ADAMTS2: variants seen among roughly 807,000 people sequenced by gnomAD.
ADAMTS2 encodes ADAM metallopeptidase with thrombospondin type 1 motif 2.
ADAMTS2 carries 50 observed loss-of-function variants against 123.0 expected under a neutral mutation model. The ratio of observed to expected loss-of-function variants is 0.41; its 90% CI spans 0.32 to 0.51. The LOEUF is 0.51. Among genes scored for constraint, ADAMTS2 ranks in the 20% least tolerant of loss-of-function variants. The pLI, the probability that ADAMTS2 is intolerant of heterozygous loss-of-function variation, is 0.35. For synonymous variants in ADAMTS2, 678 were observed against 695.4 expected (o/e 0.98, Z 0.39); for missense variants, 1,494 against 1,705.2 (o/e 0.88, Z 2.18).
Position 179,343,999 on chromosome 5 carries a change from TTGC to T in ADAMTS2, c.299_301del (p.Gly100_Asn101delinsAsp). ...GAGGTGACTGCCAGGCTCCTCCTCG[TTGC>T]CTCCGGGGAAGCTCGGGGTCCGGAC... On this transcript the variant is annotated inframe_deletion, in exon 2 of 22. Transcript: ENST00000251582. 6.2e-7 allele frequency: 1 copy of T among 1,612,722 alleles called. No homozygotes were observed. Among genetic ancestry groups the T allele is most frequent in the Non-Finnish European group, 8.5e-7 (1 of 1,179,868 alleles).
rs1054727532 is a variant in ADAMTS2, at chr5:179,332,238, G to A, written c.534+11529C>T. 4.6e-5 allele frequency among the ~76,000 whole-genome samples: 7 copies of A among 152,214 alleles called. No individual in the cohort carries two copies. The highest frequency in any genetic ancestry group is 2.1e-4 in the South Asian group (1 of 4,828). On this transcript the variant is annotated intron_variant, in intron 2 of 21. Coordinates refer to ENST00000251582, the MANE Select transcript of ADAMTS2 (RefSeq NM_014244.5). The surrounding 1 kb of genome is among the most constrained non-coding windows in gnomAD (Gnocchi z 4.2). ...GGAGGGATGGGCAGGGCAAGGTAAC[G>A]GGAAGGGCTGCAGAGCCTCCACGCC...
chr5:179,297,691 C>T (rs751933493), intron 2 of ADAMTS2, among the ~76,000 whole-genome samples: 12 of 152,118 alleles, frequency 7.9e-5, no homozygotes, highest in African/African-American at 1.9e-4. Flanking sequence ...GTGCCCCCAA[C>T]GCCCTCCACT....
At chr5:179,184,914 A>C (rs542134790) in intron 4 of ADAMTS2, among the ~76,000 whole-genome samples, 41 of 152,304 alleles carry the variant, frequency 2.7e-4, no homozygotes, top group African/African-American at 9.6e-4. Flanking sequence ...AGGGAACCAG[A>C]GGATATATTA....
intron 3 of ADAMTS2, among the ~76,000 whole-genome samples, chr5:179,208,139 A>G (rs1764757299): frequency 2.0e-5 from 2 of 101,546 alleles, no homozygotes; most frequent in South Asian, 3.9e-4. Context: ...GAGTGGGCAG[A>G]GCCACCCCTT....
chr5:179,207,464 CT>C (rs779496934), intron 4 of ADAMTS2, 48 bp downstream of exon 4: 1 of 1,566,040 alleles, frequency 6.4e-7, no homozygotes, highest in Non-Finnish European at 8.8e-7. Context: ...TGCCCAGCCC[CT>C]GGTTGACCCT....
At chr5:179,191,874 C>A (rs894249352) in intron 4 of ADAMTS2, among the ~76,000 whole-genome samples, 1 of 151,476 alleles carries the variant, frequency 6.6e-6, no homozygotes, top group Non-Finnish European at 1.5e-5. Context: ...GGATGCCCCT[C>A]GCTCCAGAAG....
At position 179,217,836 on chromosome 5, in the gene ADAMTS2, A is replaced by G. The variant is rs55784257; in HGVS notation, c.689-10121T>C. 7.2e-4 allele frequency among the ~76,000 whole-genome samples: 62 copies of G among 86,598 alleles called. 1 individual carries two copies. Among genetic ancestry groups the G allele is most frequent in the African/African-American group, 2.6e-3 (57 of 21,522 alleles). 56.8% of individuals were successfully genotyped at this position (86,598 alleles called of 152,430 possible). On this transcript the variant is annotated intron_variant, in intron 3 of 21. Transcript: ENST00000251582. ...ACTCACTAGGGGATGGCCTGAGGGC[A>G]GACAGGCACACTCACTAGGTAGGGG...
In ADAMTS2 at chr5:179,326,189, C is replaced by T. The variant is rs1757312515; in HGVS notation, c.534+17578G>A. Among the ~76,000 whole-genome samples, 15 of 139,116 alleles carry T rather than the reference C, an allele frequency of 1.1e-4. No individual in the cohort carries two copies. The South Asian group carries it at 3.7e-3, about 34-fold the overall frequency. The allele number at this position is 139,116 out of a possible 152,430, so 91.3% of individuals were successfully genotyped here. ...TGGGAAGGATTTGGTGGAGAAATGG[C>T]GTTTGTGTGTGCGTGTGTGTGTGTG... On this transcript the variant is annotated intron_variant, in intron 2 of 21. Transcript: ENST00000251582.
chr5:179,266,118 G>T (rs940133756), intron 3 of ADAMTS2, among the ~76,000 whole-genome samples: 1 of 152,232 alleles, frequency 6.6e-6, no homozygotes, highest in South Asian at 2.1e-4. Context: ...GGCACAAGAC[G>T]CTGGCCAGGT....
intron 2 of ADAMTS2, among the ~76,000 whole-genome samples, chr5:179,329,473 T>C (rs1454510635): frequency 1.3e-5 from 2 of 152,020 alleles, no homozygotes. Flanking sequence ...GACAACAGCA[T>C]GGCAATTTAG....
chr5:179,212,110 T>C (rs1161489887), intron 3 of ADAMTS2, among the ~76,000 whole-genome samples: 1 of 152,228 alleles, frequency 6.6e-6, no homozygotes. Context: ...GAAACAAGTA[T>C]GATTAGACTA....
At chr5:179,322,781 T>C (rs1344614876) in intron 2 of ADAMTS2, among the ~76,000 whole-genome samples, 1 of 152,228 alleles carries the variant, frequency 6.6e-6, no homozygotes, top group African/African-American at 2.4e-5. Context: ...GAGGCCTCTC[T>C]GGGCTGCGGC....
rs1448109973 is a variant in ADAMTS2, at chr5:179,132,189, C to G, written c.2290+41G>C. 1 of 1,592,726 alleles carries G rather than the reference C, an allele frequency of 6.3e-7. No individual in the cohort carries two copies. Among genetic ancestry groups the G allele is most frequent in the Non-Finnish European group, 8.6e-7 (1 of 1,162,076 alleles). On this transcript the variant is annotated intron_variant, in intron 15 of 21. Coordinates refer to ENST00000251582, the MANE Select transcript of ADAMTS2 (RefSeq NM_014244.5). This position sits in a 1 kb window ranked among gnomAD's most constrained non-coding sequence, Gnocchi z 6.1. The stretch of plus-strand genomic sequence containing the variant: ...CTCTGCCCATTGATCCCAGAGGAGC[C>G]AGGTCCTGAGGACGTCAAGTTGTCC...
intron 4 of ADAMTS2, among the ~76,000 whole-genome samples, chr5:179,199,185 G>C (rs1187684125): frequency 6.6e-6 from 1 of 152,222 alleles, no homozygotes; most frequent in Non-Finnish European, 1.5e-5. Flanking sequence ...ACCCTCTGCA[G>C]CTCTGTCTTG....
At position 179,307,617 on chromosome 5, in the gene ADAMTS2, C is replaced by T. The variant is rs1031652482; in HGVS notation, c.535-34553G>A. On this transcript the variant is annotated intron_variant, in intron 2 of 21. Coordinates refer to ENST00000251582, the MANE Select transcript of ADAMTS2 (RefSeq NM_014244.5). The surrounding 1 kb of genome is among the most constrained non-coding windows in gnomAD (Gnocchi z 5.6). ...TCACTGCCTGCCCAAAGCCCTCCAG[C>T]GGCTTCCCACCACATGACTGCCCCG... Among the ~76,000 whole-genome samples, 4 of 152,120 alleles carry T rather than the reference C, an allele frequency of 2.6e-5. No individual in the cohort carries two copies. The highest frequency in any genetic ancestry group is 4.4e-5 in the Non-Finnish European group (3 of 68,020).
chr5:179,122,779 G>C lies in ADAMTS2; in HGVS notation c.2959-6C>G, dbSNP rs2113181904. ...TTGCCACAGGTTACTGAGCACTGCA[G>C]GGGGAGAGTCGCCAGGCAGGGTTCA... On this transcript the variant is annotated splice_region_variant and splice_polypyrimidine_tract_variant and intron_variant, in intron 19 of 21. Coordinates refer to ENST00000251582, the MANE Select transcript of ADAMTS2 (RefSeq NM_014244.5). The C allele has an allele frequency of 1.3e-6, 2 of 1,554,972 alleles. No individual in the cohort carries two copies. Among genetic ancestry groups the C allele is most frequent in the Admixed American group, 3.9e-5 (2 of 51,536 alleles).
Position 179,234,729 on chromosome 5 carries a change from C to T in ADAMTS2, c.689-27014G>A, listed in dbSNP as rs1039327166. 3.4e-4 allele frequency among the ~76,000 whole-genome samples: 52 copies of T among 152,156 alleles called. No homozygotes were observed. Among genetic ancestry groups the T allele is most frequent in the African/African-American group, 1.2e-3 (49 of 41,428 alleles). On this transcript the variant is annotated intron_variant, in intron 3 of 21. Transcript: ENST00000251582. This position sits in a 1 kb window ranked among gnomAD's most constrained non-coding sequence, Gnocchi z 4.7. ...CATCCTGGCACCTTCCCCATCTCCC[C>T]GTCCATGATGAGCTCAGCCCCTCCC...
Position 179,112,228 on chromosome 5 carries a change from GAA to G in ADAMTS2, c.*1637_*1638del, listed in dbSNP as rs2113157528. On this transcript the variant is annotated 3_prime_UTR_variant, in exon 22 of 22. Transcript: ENST00000251582. ...GGGAAATACACATGAACAAATTCTC[GAA>G]GAGGATTGGTGAGAGTACACAGCCT... The G allele has an allele frequency of 6.6e-6, 1 of 152,306 alleles. No individual in the cohort carries two copies. Among genetic ancestry groups the G allele is most frequent in the African/African-American group, 2.4e-5 (1 of 41,568 alleles). 9.4% of individuals were successfully genotyped at this position (152,306 alleles called of 1,614,324 possible).
At chr5:179,156,777 G>T (rs2113259344) in intron 6 of ADAMTS2, among the ~76,000 whole-genome samples, 1 of 152,168 alleles carries the variant, frequency 6.6e-6, no homozygotes, top group African/African-American at 2.4e-5. Flanking sequence ...CAAACATTCT[G>T]GGAATACTAC....
Sources: gnomAD v4.1 joint callset for allele counts (sites outside exome capture counted in the v4.1 genomes callset) on GRCh38, gnomAD v4.1.1 for gene constraint, Gnocchi (gnomAD v3.1) non-coding constraint, MANE v1.5 for transcripts, NCBI Gene and HGNC (gene_info 2026-07-23, HGNC 2026-07-21) for gene names.